TGFBR3: variants seen among roughly 807,000 people sequenced by gnomAD.
The protein encoded by TGFBR3 is transforming growth factor beta receptor type 3.
Under a neutral mutation model 87.9 loss-of-function variants are expected in TGFBR3, and 46 were observed. The ratio of observed to expected loss-of-function variants is 0.52; its 90% CI spans 0.41 to 0.67. The LOEUF is 0.67. Ranked by LOEUF, TGFBR3 falls within the 30% of genes least tolerant of loss-of-function variation. The pLI, the probability that TGFBR3 is intolerant of heterozygous loss-of-function variation, is 0.00. For missense variants in TGFBR3, 866 were observed against 1,041.9 expected (o/e 0.83, Z 2.32); for synonymous variants, 381 against 391.6 (o/e 0.97, Z 0.32).
At chr1:91,882,149 T>C (rs1246853282) in intron 1 of TGFBR3, among the ~76,000 whole-genome samples, 1 of 149,328 alleles carries the variant, frequency 6.7e-6, no homozygotes, top group African/African-American at 2.4e-5. Flanking sequence ...TTTTTTTTTT[T>C]TTTTTTTGAG....
Position 91,699,431 on chromosome 1 carries a change from C to CTTTTTTT in TGFBR3, c.2288-1308_2288-1302dup, listed in dbSNP as rs60223260. Among the ~76,000 whole-genome samples, 799 of 80,760 alleles carry CTTTTTTT rather than the reference C, an allele frequency of 9.9e-3. 8 individuals are homozygous for CTTTTTTT. The highest frequency in any genetic ancestry group is 0.019 in the Middle Eastern group (1 of 52). The allele number at this position is 80,760 out of a possible 152,430, so 53.0% of individuals were successfully genotyped here. On this transcript the variant is annotated intron_variant, in intron 14 of 16. Transcript: ENST00000212355. ...TCTCTCTCTTTTTCTCTTTCTTTTGCTTTTTTTTTTTTTTTTTTTTTTTGC... is the reference window on the plus strand; with the variant it reads ...TCTCTCTCTTTTTCTCTTTCTTTTGCTTTTTTTTTTTTTTTTTTTTTTTTTTTTTTGC...
At chr1:91,807,957 T>C (rs760177367) in intron 2 of TGFBR3, among the ~76,000 whole-genome samples, 5 of 152,190 alleles carry the variant, frequency 3.3e-5, no homozygotes, top group African/African-American at 4.8e-5. Flanking sequence ...AGACATAAAG[T>C]CCCTTGAGGG....
At position 91,838,761 on chromosome 1, in the gene TGFBR3, G is replaced by A. The variant is rs561779316; in HGVS notation, c.61+22710C>T. The stretch of plus-strand genomic sequence containing the variant: ...TGGGATTACAGGCGTGAGCCACCGC[G>A]CCCGGCCGCAAATCTCTTTTCTTGT... On this transcript the variant is annotated intron_variant, in intron 2 of 16. Transcript: ENST00000212355. Among the ~76,000 whole-genome samples, 511 of 151,908 alleles carry A rather than the reference G, an allele frequency of 3.4e-3. 2 individuals are homozygous for A. The highest frequency in any genetic ancestry group is 0.012 in the African/African-American group (490 of 41,430).
In TGFBR3 at chr1:91,790,062, G is replaced by T. The variant is rs115437080; in HGVS notation, c.246+7225C>A. ...CAAATAAATGGGGAAGGGAAGAAAG[G>T]AGAGAGGAAATGGGCAGGTGGGGAG... On this transcript the variant is annotated intron_variant, in intron 3 of 16. Coordinates refer to ENST00000212355, the MANE Select transcript of TGFBR3 (RefSeq NM_003243.5). Among the ~76,000 whole-genome samples, 1,144 of 152,310 alleles carry T rather than the reference G, an allele frequency of 7.5e-3. 15 individuals are homozygous for T. The highest frequency in any genetic ancestry group is 0.026 in the African/African-American group (1,080 of 41,550).
chr1:91,708,577 A>G, intron 14 of TGFBR3, 86 bp downstream of exon 14: 1 of 1,601,524 alleles, frequency 6.2e-7, no homozygotes, highest in Non-Finnish European at 8.5e-7. Flanking sequence ...TCTTGTGAAT[A>G]AAGCTGGACT....
rs1670986728 is a variant in TGFBR3 at position 91,683,622 on chromosome 1, G to A, written c.*117C>T. Reference sequence around the variant, plus strand: ...CTGAAATTCACTCTGTCTTTACAAGGGAACCAAAATCCAGCCCTCTGAGTC... The same window carrying A: ...CTGAAATTCACTCTGTCTTTACAAGAGAACCAAAATCCAGCCCTCTGAGTC... On this transcript the variant is annotated 3_prime_UTR_variant, in exon 17 of 17. Coordinates refer to ENST00000212355, the MANE Select transcript of TGFBR3 (RefSeq NM_003243.5). 1 of 833,172 alleles carries A rather than the reference G, an allele frequency of 1.2e-6. No individual in the cohort carries two copies. The highest frequency in any genetic ancestry group is 2.0e-6 in the Non-Finnish European group (1 of 512,622). The allele number at this position is 833,172 out of a possible 1,614,324, so 51.6% of individuals were successfully genotyped here. A position where few individuals can be genotyped will look rare whatever the true frequency, so the allele number is the denominator to read the frequency against.
At chr1:91,818,451 C>T (rs1167466527) in intron 2 of TGFBR3, among the ~76,000 whole-genome samples, 2 of 152,004 alleles carry the variant, frequency 1.3e-5, no homozygotes, top group Non-Finnish European at 2.9e-5. Flanking sequence ...CAGGATTCCC[C>T]GTGGACCTTG....
rs182046511 is a variant in TGFBR3 at position 91,785,521 on chromosome 1, A to G, written c.246+11766T>C. On this transcript the variant is annotated intron_variant, in intron 3 of 16. Coordinates refer to ENST00000212355, the MANE Select transcript of TGFBR3 (RefSeq NM_003243.5). ...ATTATATCTCATTAAAGCTATTTTA[A>G]AAACACAAACAGGCAGCAGGCAGAA... 5.3e-3 allele frequency among the ~76,000 whole-genome samples: 812 copies of G among 152,296 alleles called. 3 individuals carry two copies. Among genetic ancestry groups the G allele is most frequent in the Middle Eastern group, 0.034 (10 of 294 alleles).
chr1:91,800,726 C>T (rs553730015), intron 2 of TGFBR3, among the ~76,000 whole-genome samples: 1 of 151,900 alleles, frequency 6.6e-6, no homozygotes, highest in African/African-American at 2.4e-5. Flanking sequence ...CAGGAATTAT[C>T]TACCACCATC....
intron 2 of TGFBR3, among the ~76,000 whole-genome samples, chr1:91,845,240 A>C (rs936208811): frequency 2.0e-5 from 3 of 152,182 alleles, no homozygotes; most frequent in Non-Finnish European, 4.4e-5. Context: ...CATGTTAATA[A>C]AGTAAGATTT....
chr1:91,852,188 GC>G (rs2101149744), intron 2 of TGFBR3, among the ~76,000 whole-genome samples: 1 of 152,270 alleles, frequency 6.6e-6, no homozygotes, highest in South Asian at 2.1e-4. Context: ...GGCCAAGGCT[GC>G]AGTGAGCTAC....
chr1:91,768,199 C>T (rs1259307217), intron 3 of TGFBR3, among the ~76,000 whole-genome samples: 1 of 128,016 alleles, frequency 7.8e-6, no homozygotes, highest in African/African-American at 3.0e-5. Flanking sequence ...GCAACAAGAG[C>T]GAAACTCCAT....
chr1:91,763,346 G>T (rs1281868290), intron 3 of TGFBR3, among the ~76,000 whole-genome samples: 3 of 152,152 alleles, frequency 2.0e-5, no homozygotes, highest in Non-Finnish European at 4.4e-5. Flanking sequence ...TGTCAGTGAG[G>T]TCCATTTCAA....
At chr1:91,717,831 C>CTTA (rs1428394024) in intron 10 of TGFBR3, among the ~76,000 whole-genome samples, 1 of 148,338 alleles carries the variant, frequency 6.7e-6, no homozygotes, top group African/African-American at 2.5e-5. Context: ...AAAAAAGGAA[C>CTTA]TTTAAGGGAT....
intron 7 of TGFBR3, among the ~76,000 whole-genome samples, chr1:91,724,570 C>T (rs921173920): frequency 9.2e-5 from 14 of 152,212 alleles, no homozygotes; most frequent in Non-Finnish European, 1.9e-4. Flanking sequence ...GCTGTCAATA[C>T]ATCTCATTTT....
chr1:91,812,421 G>A (rs1228934390), intron 2 of TGFBR3, among the ~76,000 whole-genome samples: 1 of 152,088 alleles, frequency 6.6e-6, no homozygotes, highest in Non-Finnish European at 1.5e-5. Context: ...AGGAAAATCT[G>A]CCTAAAATGT....
At chr1:91,705,490 A>T (rs533113335) in intron 14 of TGFBR3, among the ~76,000 whole-genome samples, 1 of 152,214 alleles carries the variant, frequency 6.6e-6, no homozygotes, top group South Asian at 2.1e-4. Context: ...CGGCCTCCCA[A>T]AGTGCTGGGA....
chr1:91,728,765 C>A (rs11165354), intron 6 of TGFBR3, among the ~76,000 whole-genome samples: 83,259 of 151,940 alleles, frequency 0.55, 24,529 homozygotes, highest in South Asian at 0.8. Context: ...CCCCGATTAG[C>A]ATTTTCACCT....
intron 2 of TGFBR3, among the ~76,000 whole-genome samples, chr1:91,834,907 T>C (rs1677001146): frequency 6.6e-6 from 1 of 152,236 alleles, no homozygotes; most frequent in Non-Finnish European, 1.5e-5. Flanking sequence ...CTCAAACTCC[T>C]GACCTCCGGT....
Sources: gnomAD v4.1 joint callset for allele counts (sites outside exome capture counted in the v4.1 genomes callset) on GRCh38, gnomAD v4.1.1 for gene constraint, MANE v1.5 for transcripts, NCBI Gene and HGNC (gene_info 2026-07-23, HGNC 2026-07-21) for gene names.